The following TMCO4 variants were observed in gnomAD, a reference collection of about 807,000 sequenced individuals.
TMCO4 encodes transmembrane and coiled-coil domain-containing protein 4.
In TMCO4, 58 loss-of-function variants were observed where a neutral mutation model predicts 64.7. The ratio of observed to expected loss-of-function variants is 0.90; its 90% CI spans 0.73 to 1.12. The LOEUF (loss-of-function observed/expected upper bound fraction) is 1.12, where lower values mean the gene tolerates loss of function less well. Among genes scored for constraint, TMCO4 ranks in the 50% most tolerant of loss-of-function variants. TMCO4 has a pLI of 0.00. For missense variants in TMCO4, 780 were observed against 825.9 expected (o/e 0.94, Z 0.68); for synonymous variants, 325 against 346.1 (o/e 0.94, Z 0.68).
intron 6 of TMCO4, among the ~76,000 whole-genome samples, chr1:19,760,906 C>T (rs545490396): frequency 6.6e-6 from 1 of 152,326 alleles, no homozygotes; most frequent in East Asian, 1.9e-4. Context: ...GGGAGAGATC[C>T]AAATGCAGGG....
At position 19,732,313 on chromosome 1, in the gene TMCO4, A is replaced by C. The variant is rs1378673464; in HGVS notation, c.1264+5059T>G. Among the ~76,000 whole-genome samples, 1 of 152,130 alleles carries C rather than the reference A, an allele frequency of 6.6e-6. No homozygotes were observed. The highest frequency in any genetic ancestry group is 6.5e-5 in the Admixed American group (1 of 15,276). ...CAGCCTCCCAAGTAGCTGGGGCTAC[A>C]TGCACGTGCCACCATGCCTGGCTAA... On this transcript the variant is annotated intron_variant, in intron 13 of 15. Coordinates refer to ENST00000294543, the MANE Select transcript of TMCO4 (RefSeq NM_181719.7). The surrounding 1 kb of genome is among the most constrained non-coding windows in gnomAD (Gnocchi z 4.8).
At chr1:19,726,480 G>A (rs1373217267) in intron 13 of TMCO4, among the ~76,000 whole-genome samples, 4 of 151,618 alleles carry the variant, frequency 2.6e-5, no homozygotes, top group Admixed American at 6.6e-5. Flanking sequence ...AAAAAAACAC[G>A]GGTCAGCCAT....
chr1:19,745,418 T>A, intron 10 of TMCO4, 114 bp downstream of exon 10: 1 of 1,506,670 alleles, frequency 6.6e-7, no homozygotes, highest in Non-Finnish European at 9.0e-7. Context: ...TTTCTTCCTC[T>A]GCGAAATGGG....
intron 4 of TMCO4, among the ~76,000 whole-genome samples, chr1:19,777,347 CTTTTT>C (rs35543721): frequency 1.5e-5 from 2 of 129,330 alleles, no homozygotes; most frequent in Non-Finnish European, 1.6e-5. Context: ...ACCCAAAGGC[CTTTTT>C]TTTTTTTTTT....
At chr1:19,710,929 G>T (rs1409545625) in intron 13 of TMCO4, among the ~76,000 whole-genome samples, 1 of 152,196 alleles carries the variant, frequency 6.6e-6, no homozygotes, top group Non-Finnish European at 1.5e-5. Flanking sequence ...GTGGAGGTGG[G>T]TGAACAGATA....
intron 7 of TMCO4, among the ~76,000 whole-genome samples, chr1:19,751,762 T>G (rs903218008): frequency 6.6e-6 from 1 of 152,094 alleles, no homozygotes; most frequent in South Asian, 2.1e-4. Flanking sequence ...AATAATTGTT[T>G]TGGGGGCCGG....
chr1:19,756,763 G>A (rs535011228), intron 6 of TMCO4, among the ~76,000 whole-genome samples: 41 of 152,192 alleles, frequency 2.7e-4, no homozygotes, highest in African/African-American at 9.9e-4. Context: ...AAGCTGATGG[G>A]GGAGGATCAC....
chr1:19,734,691 A>AC lies in TMCO4; in HGVS notation c.1264+2680dup. On this transcript the variant is annotated intron_variant, in intron 13 of 15. Coordinates refer to ENST00000294543, the MANE Select transcript of TMCO4 (RefSeq NM_181719.7). The surrounding 1 kb of genome is among the most constrained non-coding windows in gnomAD (Gnocchi z 4.4). ...GCCCCGCCTTTGCCCATGCTGGCCG[A>AC]CCCTCTGGAATGCCCTGCCCTAGTC... 6.6e-6 allele frequency among the ~76,000 whole-genome samples: 1 copy of AC among 151,966 alleles called. No individual in the cohort carries two copies. The highest frequency in any genetic ancestry group is 1.5e-5 in the Non-Finnish European group (1 of 67,986).
intron 7 of TMCO4, among the ~76,000 whole-genome samples, chr1:19,747,498 G>C (rs2041846128): frequency 6.6e-6 from 1 of 152,178 alleles, no homozygotes; most frequent in Admixed American, 6.6e-5. Context: ...CATCCTAACA[G>C]GGTTGCAATT....
chr1:19,754,590 G>A (rs2042161880), intron 7 of TMCO4, among the ~76,000 whole-genome samples: 1 of 152,168 alleles, frequency 6.6e-6, no homozygotes, highest in Non-Finnish European at 1.5e-5. Flanking sequence ...AAAAAACCCA[G>A]ACCTGGGAGA....
Position 19,767,629 on chromosome 1 carries a change from T to A in TMCO4, c.382+2913A>T, listed in dbSNP as rs552049112. Among the ~76,000 whole-genome samples, 20 of 152,140 alleles carry A rather than the reference T, an allele frequency of 1.3e-4. No individual in the cohort carries two copies. The South Asian group carries it at 3.9e-3, about 30-fold the overall frequency. On this transcript the variant is annotated intron_variant, in intron 6 of 15. Coordinates refer to ENST00000294543, the MANE Select transcript of TMCO4 (RefSeq NM_181719.7). ...GGTGAGGAAAGAGGGAAAGTTAGAT[T>A]CCGGGGCCAAGGCTGCTTCTCTTTC...
At chr1:19,752,064 T>G (rs2042045516) in intron 7 of TMCO4, among the ~76,000 whole-genome samples, 1 of 152,042 alleles carries the variant, frequency 6.6e-6, no homozygotes, top group Admixed American at 6.6e-5. Context: ...AAAAAAAATT[T>G]TTTTTTTGTA....
chr1:19,686,234 C>G (rs2095148447), intron 15 of TMCO4, among the ~76,000 whole-genome samples: 2 of 152,150 alleles, frequency 1.3e-5, no homozygotes, highest in Admixed American at 1.3e-4. Flanking sequence ...CTGGATCTGC[C>G]CCTGAGATGG....
chr1:19,722,925 C>A (rs1034698213), intron 13 of TMCO4, among the ~76,000 whole-genome samples: 1 of 152,098 alleles, frequency 6.6e-6, no homozygotes, highest in Non-Finnish European at 1.5e-5. Flanking sequence ...AGGCCTCCTC[C>A]TATTGCTCCT....
At chr1:19,739,654 T>G (rs1257858700) in intron 12 of TMCO4, among the ~76,000 whole-genome samples, 170 bp downstream of exon 12, 1 of 152,200 alleles carries the variant, frequency 6.6e-6, no homozygotes, top group African/African-American at 2.4e-5. Context: ...CTGTTCATCC[T>G]AGGACACATT....
At chr1:19,745,482 C>T in intron 10 of TMCO4, 50 bp downstream of exon 10, 1 of 1,612,626 alleles carries the variant, frequency 6.2e-7, no homozygotes. Context: ...GGGTCTGGCC[C>T]AGGCCACCAC....
At chr1:19,760,947 C>A (rs1408714636) in intron 6 of TMCO4, among the ~76,000 whole-genome samples, 1 of 152,244 alleles carries the variant, frequency 6.6e-6, no homozygotes, top group Non-Finnish European at 1.5e-5. Flanking sequence ...TGTATATCCC[C>A]TTTCGGCAGA....
At chr1:19,683,496 C>T in intron 15 of TMCO4, 52 bp from the exon 16 acceptor site, 6 of 1,587,606 alleles carry the variant, frequency 3.8e-6, no homozygotes, top group Non-Finnish European at 5.1e-6. Flanking sequence ...GCCCAGCCCT[C>T]CCCAGGGACC....
chr1:19,787,229 C>G (rs1234809729), intron 2 of TMCO4, 112 bp from the exon 3 acceptor site: 2 of 152,324 alleles, frequency 1.3e-5, no homozygotes, highest in Non-Finnish European at 2.9e-5. Flanking sequence ...GAGCCTGGCA[C>G]TGCACCGTCG....
Sources: gnomAD v4.1 joint callset for allele counts (sites outside exome capture counted in the v4.1 genomes callset) on GRCh38, gnomAD v4.1.1 for gene constraint, Gnocchi (gnomAD v3.1) non-coding constraint, MANE v1.5 for transcripts, NCBI Gene and HGNC (gene_info 2026-07-23, HGNC 2026-07-21) for gene names.